SRPK2: variants seen among roughly 807,000 people sequenced by gnomAD.
SRPK2 encodes SRSF protein kinase 2.
SRPK2 carries 21 observed loss-of-function variants against 90.8 expected under a neutral mutation model. The ratio of observed to expected loss-of-function variants is 0.23; its 90% CI spans 0.16 to 0.33. The LOEUF (loss-of-function observed/expected upper bound fraction) is 0.33, where lower values mean the gene tolerates loss of function less well. Among genes scored for constraint, SRPK2 ranks in the 10% least tolerant of loss-of-function variants. The pLI is 1.00. For synonymous variants in SRPK2, 288 were observed against 311.1 expected (o/e 0.93, Z 0.78); for missense variants, 620 against 869.0 (o/e 0.71, Z 3.60).
intron 13 of SRPK2, 92 bp from the exon 14 acceptor site, chr7:105,127,154 G>T: frequency 8.1e-7 from 1 of 1,230,498 alleles, no homozygotes. Context: ...GCCACTTTAT[G>T]AAGATCTGAA....
intron 2 of SRPK2, among the ~76,000 whole-genome samples, chr7:105,308,238 C>T (rs1811348577): frequency 6.6e-6 from 1 of 152,148 alleles, no homozygotes; most frequent in Admixed American, 6.5e-5. Flanking sequence ...TTGCCAACAA[C>T]CAACTGTAAA....
chr7:105,364,905 T>C (rs1341119191), intron 2 of SRPK2, among the ~76,000 whole-genome samples: 5 of 152,156 alleles, frequency 3.3e-5, no homozygotes, highest in African/African-American at 1.2e-4. Flanking sequence ...AAAGCATCAA[T>C]GGAATCAATC....
At chr7:105,363,669 C>A (rs2132302046) in intron 2 of SRPK2, among the ~76,000 whole-genome samples, 1 of 152,284 alleles carries the variant, frequency 6.6e-6, no homozygotes, top group East Asian at 1.9e-4. Flanking sequence ...CCAGCCATCT[C>A]ATTACTGGGT....
intron 2 of SRPK2, among the ~76,000 whole-genome samples, chr7:105,310,279 T>C (rs1005231895): frequency 1.3e-5 from 2 of 152,116 alleles, no homozygotes; most frequent in African/African-American, 4.8e-5. Flanking sequence ...GATAAAACCA[T>C]AATAATGGAT....
chr7:105,199,851 A>C (rs1795328681), intron 3 of SRPK2, among the ~76,000 whole-genome samples: 1 of 151,636 alleles, frequency 6.6e-6, no homozygotes, highest in African/African-American at 2.4e-5. Flanking sequence ...AGTAATAAGC[A>C]CACCTAATGC....
At chr7:105,342,679 T>C (rs1585795963) in intron 2 of SRPK2, among the ~76,000 whole-genome samples, 1 of 152,144 alleles carries the variant, frequency 6.6e-6, no homozygotes, top group African/African-American at 2.4e-5. Context: ...CTCTCCTCCA[T>C]GCCCCCGTAT....
At chr7:105,276,915 C>T (rs1327556243) in intron 2 of SRPK2, among the ~76,000 whole-genome samples, 1 of 152,118 alleles carries the variant, frequency 6.6e-6, no homozygotes, top group Non-Finnish European at 1.5e-5. Context: ...GGTTCTCCAC[C>T]TTAATGCTCC....
chr7:105,255,893 C>T (rs1445690615), intron 2 of SRPK2, among the ~76,000 whole-genome samples: 1 of 150,734 alleles, frequency 6.6e-6, no homozygotes, highest in Admixed American at 6.6e-5. Context: ...GATTGCACTC[C>T]AGCCTGGGCG....
At position 105,117,910 on chromosome 7, in the gene SRPK2, C is replaced by A; in HGVS notation, c.2028G>T (p.Pro676=). ...DAAQFTDFLI[P]MLEMVPEKRA... ...GTTTTTCTGGAACCATTTCTAACATCGGGATCAGGAAATCTGTAAACTGTG... is the reference window on the plus strand; with the variant it reads ...GTTTTTCTGGAACCATTTCTAACATAGGGATCAGGAAATCTGTAAACTGTG... The change falls in exon 16 of 16, where the codon CCG becomes CCT. Residue 676 remains proline (P), a synonymous_variant. Transcript: ENST00000393651. 1.9e-6 allele frequency: 3 copies of A among 1,614,056 alleles called. No individual in the cohort carries two copies. Among genetic ancestry groups the A allele is most frequent in the East Asian group, 2.2e-5 (1 of 44,882 alleles).
chr7:105,130,763 G>T (rs73404060), intron 13 of SRPK2, among the ~76,000 whole-genome samples: 6 of 151,732 alleles, frequency 4.0e-5, no homozygotes, highest in South Asian at 2.1e-4. Context: ...CATGACTTTT[G>T]GGGGGTGGGG....
chr7:105,328,149 A>C (rs1813812160), intron 2 of SRPK2, among the ~76,000 whole-genome samples: 1 of 152,230 alleles, frequency 6.6e-6, no homozygotes, highest in South Asian at 2.1e-4. Context: ...AAATGACTCT[A>C]TCCCTGGGCT....
At chr7:105,266,937 C>A (rs1237850812) in intron 2 of SRPK2, among the ~76,000 whole-genome samples, 1 of 152,096 alleles carries the variant, frequency 6.6e-6, no homozygotes, top group African/African-American at 2.4e-5. Context: ...ATTAACGAAA[C>A]AACTTCTATG....
intron 2 of SRPK2, among the ~76,000 whole-genome samples, chr7:105,287,501 C>G (rs2130939872): frequency 6.6e-6 from 1 of 152,204 alleles, no homozygotes; most frequent in African/African-American, 2.4e-5. Context: ...CTTTGGGAGG[C>G]TGAGGAGGGG....
chr7:105,215,875 T>TG (rs952480760), intron 2 of SRPK2, among the ~76,000 whole-genome samples: 53 of 151,874 alleles, frequency 3.5e-4, no homozygotes, highest in South Asian at 2.3e-3. Flanking sequence ...TGAAGTTTTT[T>TG]GGGGGGGTGA....
intron 3 of SRPK2, among the ~76,000 whole-genome samples, chr7:105,180,000 T>A (rs1389926484): frequency 6.6e-6 from 1 of 152,240 alleles, no homozygotes; most frequent in Non-Finnish European, 1.5e-5. Flanking sequence ...AAAACAGCTA[T>A]ACTGCCTGAA....
intron 2 of SRPK2, among the ~76,000 whole-genome samples, chr7:105,273,354 C>T (rs781115913): frequency 9.2e-5 from 14 of 152,070 alleles, no homozygotes; most frequent in Non-Finnish European, 1.3e-4. Context: ...TTTTCGTATA[C>T]AGTTTCCTCT....
intron 2 of SRPK2, among the ~76,000 whole-genome samples, chr7:105,341,580 C>T (rs886469640): frequency 6.6e-6 from 1 of 151,862 alleles, no homozygotes; most frequent in East Asian, 1.9e-4. Context: ...AGCTGAGGCA[C>T]AAGAATCCTT....
intron 14 of SRPK2, among the ~76,000 whole-genome samples, 180 bp from the exon 15 acceptor site, chr7:105,126,520 GTAACAGTGAC>G (rs1024688325): frequency 6.6e-6 from 1 of 152,206 alleles, no homozygotes; most frequent in African/African-American, 2.4e-5. Context: ...ACCTGGAGCA[GTAACAGTGAC>G]TGAGGCCAGC....
At chr7:105,142,578 T>C (rs764606212) in intron 10 of SRPK2, 88 bp from the exon 11 acceptor site, 7 of 1,493,076 alleles carry the variant, frequency 4.7e-6, no homozygotes, top group African/African-American at 1.4e-5. Flanking sequence ...ATAAAATACA[T>C]TTTGAATATG....
Sources: gnomAD v4.1 joint callset for allele counts (sites outside exome capture counted in the v4.1 genomes callset) on GRCh38, gnomAD v4.1.1 for gene constraint, MANE v1.5 for transcripts, NCBI Gene and HGNC (gene_info 2026-07-23, HGNC 2026-07-21) for gene names.